The following ZFP1 variants were observed in gnomAD, a reference collection of about 807,000 sequenced individuals.
ZFP1 encodes the protein zinc finger protein 1 homolog.
In ZFP1, 32 loss-of-function variants were observed where a neutral mutation model predicts 38.5. That is an observed-to-expected ratio of 0.83 (90% CI 0.63 to 1.12). The LOEUF (loss-of-function observed/expected upper bound fraction) is 1.12, where lower values mean the gene tolerates loss of function less well. Ranked by LOEUF, ZFP1 falls within the 50% of genes most tolerant of loss-of-function variation. ZFP1 has a pLI of 0.00. For synonymous variants in ZFP1, 245 were observed against 168.8 expected (o/e 1.45, Z -3.50); for missense variants, 616 against 480.8 (o/e 1.28, Z -2.63).
At chr16:75,154,896 C>T (rs1387835389) in intron 2 of ZFP1, among the ~76,000 whole-genome samples, 1 of 152,094 alleles carries the variant, frequency 6.6e-6, no homozygotes. Context: ...TTCCCAGGTT[C>T]AAGTGATTCT....
chr16:75,149,283 T>C (rs2037059281), intron 1 of ZFP1: 1 of 152,188 alleles, frequency 6.6e-6, no homozygotes, highest in Non-Finnish European at 1.5e-5. Flanking sequence ...CAGCAGATAT[T>C]TTTTCATTTA....
chr16:75,128,905 C>G, the ZFP1 span, among the ~76,000 whole-genome samples: 2 of 152,216 alleles, frequency 1.3e-5, no homozygotes, highest in African/African-American at 2.4e-5. Context: ...ATTCTCCTGC[C>G]TCAGCCTCCC....
intron 2 of ZFP1, among the ~76,000 whole-genome samples, chr16:75,164,992 A>G (rs2145565785): frequency 6.6e-6 from 1 of 152,074 alleles, no homozygotes; most frequent in Non-Finnish European, 1.5e-5. Flanking sequence ...TTTAGTAGAG[A>G]CGGGGTTTCT....
chr16:75,166,579 A>G, intron 2 of ZFP1, 191 bp from the exon 3 acceptor site: 15 of 985,286 alleles, frequency 1.5e-5, no homozygotes, highest in Non-Finnish European at 1.8e-5. Flanking sequence ...AGTGCCAGAG[A>G]TATAGGGGAA....
At chr16:75,143,772 T>A (rs2036912961), upstream of ZFP1, among the ~76,000 whole-genome samples, 1 of 148,886 alleles carries the variant, frequency 6.7e-6, no homozygotes, top group Non-Finnish European at 1.5e-5. Flanking sequence ...CCACCTCAGC[T>A]TCCAGAGTAG....
At chr16:75,164,068 A>G (rs2037929028) in intron 2 of ZFP1, among the ~76,000 whole-genome samples, 1 of 152,140 alleles carries the variant, frequency 6.6e-6, no homozygotes, top group Admixed American at 6.5e-5. Flanking sequence ...GGGTCATGTT[A>G]TGTGCATTTT....
At position 75,169,888 on chromosome 16, in the gene ZFP1, A is replaced by G; in HGVS notation, c.778A>G (p.Arg260Gly). Residue 260 changes from arginine (R) to glycine (G), a missense_variant, in exon 4 of 4, where the codon AGA (arginine) becomes GGA (glycine). Transcript: ENST00000570010. ...THQSNLIVHQ[R>G]AHMEKKPYEC... Reference sequence around the variant, plus strand: ...CCAGTCAAACCTCATTGTACACCAGAGAGCACATATGGAGAAGAAGCCCTA... The same window carrying G: ...CCAGTCAAACCTCATTGTACACCAGGGAGCACATATGGAGAAGAAGCCCTA... 1 of 1,614,242 alleles carries G rather than the reference A, an allele frequency of 6.2e-7. No individual in the cohort carries two copies. Among genetic ancestry groups the G allele is most frequent in the South Asian group, 1.1e-5 (1 of 91,086 alleles).
At chr16:75,144,357 C>T (rs1430252030), upstream of ZFP1, among the ~76,000 whole-genome samples, 1 of 152,018 alleles carries the variant, frequency 6.6e-6, no homozygotes, top group African/African-American at 2.4e-5. Context: ...ATGAAATAAC[C>T]CCCACGTGGG....
At chr16:75,127,187 T>C in the ZFP1 span, among the ~76,000 whole-genome samples, 2 of 152,232 alleles carry the variant, frequency 1.3e-5, no homozygotes, top group African/African-American at 4.8e-5. Flanking sequence ...TACAATCAGC[T>C]ATAAAACTGA....
intron 2 of ZFP1, among the ~76,000 whole-genome samples, chr16:75,162,555 C>A (rs948592281): frequency 2.0e-5 from 3 of 152,072 alleles, no homozygotes; most frequent in African/African-American, 7.2e-5. Flanking sequence ...TTTGGGGGTA[C>A]ATGTGCAGAT....
At chr16:75,143,789 C>A (rs369493058), upstream of ZFP1, among the ~76,000 whole-genome samples, 115 of 150,986 alleles carry the variant, frequency 7.6e-4, no homozygotes, top group East Asian at 2.7e-3. Context: ...GTAGCTGGAA[C>A]TACAGGTGCA....
chr16:75,167,355 C>T (rs927783900), intron 3 of ZFP1, among the ~76,000 whole-genome samples: 9 of 151,978 alleles, frequency 5.9e-5, no homozygotes, highest in African/African-American at 1.5e-4. Flanking sequence ...GTACCTCAAT[C>T]TCTGAAGCAT....
chr16:75,166,776 G>A lies in ZFP1; in HGVS notation c.22G>A (p.Val8Ile), dbSNP rs1481519840. 1.2e-6 allele frequency: 2 copies of A among 1,614,060 alleles called. No homozygotes were observed. The highest frequency in any genetic ancestry group is 1.7e-6 in the Non-Finnish European group (2 of 1,180,032). Residue 8 changes from valine to isoleucine, a missense_variant, in exon 3 of 4, where the codon GTT becomes ATT. Physicochemically the swap from Val to Ile is conservative, Grantham distance 29. Coordinates refer to ENST00000570010, the MANE Select transcript of ZFP1 (RefSeq NM_153688.4). ...TAACAATATGCCATTTCAGGGATCA[G>A]TTTCATTCACGGATGTGACTGTGGA... MNKSQGSVSFTDVTVDFT... is the reference protein window; with the variant it reads MNKSQGSISFTDVTVDFT...
chr16:75,169,849 A>G lies in ZFP1; in HGVS notation c.739A>G (p.Lys247Glu). 6.2e-7 allele frequency: 1 copy of G among 1,614,158 alleles called. No homozygotes were observed. ...ACCTTTCGAGTGTCCGGAATGTGGA[A>G]AAGCTTTCACCCACCAGTCAAACCT... is the stretch of plus-strand genomic sequence containing the variant. ...EKPFECPECGKAFTHQSNLIV... is the reference protein window; with the variant it reads ...EKPFECPECGEAFTHQSNLIV... Residue 247 changes from lysine (K) to glutamate (E), a missense_variant, in exon 4 of 4, where the codon AAA becomes GAA. Physicochemically the swap from Lys to Glu is moderately conservative, Grantham distance 56 (BLOSUM62 1). Transcript: ENST00000570010.
the ZFP1 span, among the ~76,000 whole-genome samples, chr16:75,129,301 G>T: frequency 6.6e-6 from 1 of 152,150 alleles, no homozygotes; most frequent in Admixed American, 6.5e-5. Context: ...AGCCATGAGA[G>T]ATCAGATGAA....
chr16:75,156,700 G>A (rs2037487283), intron 2 of ZFP1, among the ~76,000 whole-genome samples: 1 of 152,182 alleles, frequency 6.6e-6, no homozygotes, highest in Non-Finnish European at 1.5e-5. Context: ...TAATTAGAGG[G>A]AGTGGGATGC....
chr16:75,150,154 C>G (rs2037116729), intron 1 of ZFP1, among the ~76,000 whole-genome samples: 1 of 151,446 alleles, frequency 6.6e-6, no homozygotes, highest in Non-Finnish European at 1.5e-5. Context: ...ATTTTTTACC[C>G]TTATTTATTT....
At position 75,171,042 on chromosome 16, in the gene ZFP1, T is replaced by A. The variant is rs573991696; in HGVS notation, c.*708T>A. 3.8e-5 allele frequency: 2 copies of A among 52,134 alleles called. No individual in the cohort carries two copies. The highest frequency in any genetic ancestry group is 6.2e-4 in the South Asian group (1 of 1,606). The allele number at this position is 52,134 out of a possible 1,614,324, so 3.2% of individuals were successfully genotyped here. On this transcript the variant is annotated 3_prime_UTR_variant, in exon 4 of 4. Coordinates refer to ENST00000570010, the MANE Select transcript of ZFP1 (RefSeq NM_153688.4). ...ATATGCAAATGTGAAATAACCGATC[T>A]ATAACGTGAAGGAGGCAGACATGAG...
At chr16:75,160,937 T>C (rs2037741571) in intron 2 of ZFP1, among the ~76,000 whole-genome samples, 1 of 152,108 alleles carries the variant, frequency 6.6e-6, no homozygotes, top group African/African-American at 2.4e-5. Context: ...AGGCCACACC[T>C]CCCAATACTT....
Sources: allele counts gnomAD v4.1 joint callset (sites outside exome capture counted in the v4.1 genomes callset), GRCh38; gene constraint gnomAD v4.1.1; transcripts MANE v1.5; gene names NCBI Gene and HGNC (gene_info 2026-07-23, HGNC 2026-07-21).